SSH3: variants seen among roughly 807,000 people sequenced by gnomAD.
SSH3 encodes the protein slingshot protein phosphatase 3.
SSH3 carries 67 observed loss-of-function variants against 75.0 expected under a neutral mutation model. The observed-to-expected ratio is 0.89, with a 90% CI of 0.73 to 1.10. The LOEUF (loss-of-function observed/expected upper bound fraction) is 1.10. Among genes scored for constraint, SSH3 ranks in the 50% least tolerant of loss-of-function variants. SSH3 has a pLI of 0.00. For synonymous variants in SSH3, 318 were observed against 349.2 expected, an observed-to-expected ratio of 0.91 and a Z score of 1.00; for missense variants, 824 against 872.7, an observed-to-expected ratio of 0.94 and a Z score of 0.70.
chr11:67,303,747 C>T (rs1030776931), intron 1 of SSH3, 56 bp downstream of exon 1: 27 of 1,408,118 alleles, frequency 1.9e-5, no homozygotes, highest in Non-Finnish European at 2.4e-5. Flanking sequence ...GGCTTGGGAG[C>T]GCGTCCTGCC....
Position 67,307,976 on chromosome 11 carries a change from A to G in SSH3, c.885+37A>G. The G allele has an allele frequency of 1.2e-6, 2 of 1,612,560 alleles. No individual in the cohort carries two copies. The highest frequency in any genetic ancestry group is 1.7e-6 in the Non-Finnish European group (2 of 1,179,022). ...GCCCGGGGACTGAGTCCCCTCTAGC[A>G]GGGGCTGCAAGCTTGCCTTTCCTGG... On this transcript the variant is annotated intron_variant, in intron 8 of 13. Coordinates refer to ENST00000308127, the MANE Select transcript of SSH3 (RefSeq NM_017857.4). The surrounding 1 kb of genome is among the most constrained non-coding windows in gnomAD (Gnocchi z 4.2).
Position 67,303,550 on chromosome 11 carries a change from C to A in SSH3, c.-76C>A. 7.0e-7 allele frequency: 1 copy of A among 1,419,424 alleles called. No individual in the cohort carries two copies. The highest frequency in any genetic ancestry group is 1.5e-5 in the African/African-American group (1 of 67,010). 87.9% of individuals were successfully genotyped at this position (1,419,424 alleles called of 1,614,324 possible). A position where few individuals can be genotyped will look rare whatever the true frequency, so the allele number is the denominator to read the frequency against. The stretch of plus-strand genomic sequence containing the variant: ...GCGCCGTCCGTCCTTCCTGGTCCTG[C>A]GGGTCCAGGACTGTCCGCGGGGTTG... On this transcript the variant is annotated 5_prime_UTR_variant, in exon 1 of 14. Transcript: ENST00000308127.
Position 67,303,697 on chromosome 11 carries a change from T to G in SSH3, c.66+6T>G. On this transcript the variant is annotated splice_donor_region_variant and intron_variant, in intron 1 of 13. Transcript: ENST00000308127. ...CCACGCCCGTGGGGCCCTGGGTGAG[T>G]GTGGTCCGGCCGTGGTGCCGCCCAC... 1 of 1,492,940 alleles carries G rather than the reference T, an allele frequency of 6.7e-7. No individual in the cohort carries two copies. The highest frequency in any genetic ancestry group is 8.9e-7 in the Non-Finnish European group (1 of 1,128,134). 92.5% of individuals were successfully genotyped at this position (1,492,940 alleles called of 1,614,324 possible). A position where few individuals can be genotyped will look rare whatever the true frequency, so the allele number is the denominator to read the frequency against.
intron 13 of SSH3, among the ~76,000 whole-genome samples, chr11:67,311,382 G>C (rs1053822306): frequency 6.6e-6 from 1 of 152,180 alleles, no homozygotes; most frequent in Admixed American, 6.5e-5. Context: ...CAAGGAGCGG[G>C]GCAGCAGGGC....
chr11:67,311,194 G>C (rs113730246), intron 13 of SSH3, among the ~76,000 whole-genome samples: 6,206 of 152,314 alleles, frequency 0.041, 486 homozygotes, highest in Admixed American at 0.18. Flanking sequence ...ACCCAGCACC[G>C]GACGCACGCA....
In SSH3 at chr11:67,308,329, G is replaced by A. The variant is rs753020978; in HGVS notation, c.1014+27G>A. 4.3e-6 allele frequency: 7 copies of A among 1,613,596 alleles called. No individual in the cohort carries two copies. Among genetic ancestry groups the A allele is most frequent in the South Asian group, 2.2e-5 (2 of 91,078 alleles). On this transcript the variant is annotated intron_variant, in intron 9 of 13. Coordinates refer to ENST00000308127, the MANE Select transcript of SSH3 (RefSeq NM_017857.4). The surrounding 1 kb of genome is among the most constrained non-coding windows in gnomAD (Gnocchi z 4.9). ...TGAGCTTCAGCCAGGCCTGGGCCAT[G>A]GGGACCGCTGGCAGCTGTGAGGGCG...
intron 10 of SSH3, 151 bp from the exon 11 acceptor site, chr11:67,309,246 C>A: frequency 1.1e-6 from 1 of 946,456 alleles, no homozygotes; most frequent in Non-Finnish European, 1.6e-6. Context: ...AGCCAGGTGA[C>A]AGCTGGGTCA....
At chr11:67,309,990 C>T (rs1443765364) in intron 12 of SSH3, 22 bp downstream of exon 12, 2 of 1,609,912 alleles carry the variant, frequency 1.2e-6, no homozygotes, top group Non-Finnish European at 8.5e-7. Flanking sequence ...GAGCGAGTGG[C>T]AGGGGGTGAG....
Position 67,307,353 on chromosome 11 carries a change from G to C in SSH3, c.537-18G>C. 1 of 1,613,586 alleles carries C rather than the reference G, an allele frequency of 6.2e-7. No individual in the cohort carries two copies. The highest frequency in any genetic ancestry group is 8.5e-7 in the Non-Finnish European group (1 of 1,179,966). On this transcript the variant is annotated intron_variant, in intron 5 of 13. Coordinates refer to ENST00000308127, the MANE Select transcript of SSH3 (RefSeq NM_017857.4). This position sits in a 1 kb window ranked among gnomAD's most constrained non-coding sequence, Gnocchi z 4.2. ...CAGAGCCTGGAGTCTGGCCTCACCT[G>C]TGCCTGGTCTCCTGCAGGGGCTTCA...
intron 3 of SSH3, among the ~76,000 whole-genome samples, chr11:67,305,416 C>T (rs1474478724): frequency 6.6e-6 from 1 of 152,152 alleles, no homozygotes; most frequent in Non-Finnish European, 1.5e-5. Context: ...TCTCAATCTC[C>T]TGACCTCGTG....
Position 67,307,867 on chromosome 11 carries a change from G to A in SSH3, c.813G>A (p.Met271Ile), listed in dbSNP as rs751129687. The change falls in exon 8 of 14, where the codon ATG becomes ATA. Residue 271 changes from methionine to isoleucine, a missense_variant. Met to Ile is a conservative substitution (Grantham distance 10, BLOSUM62 1). Coordinates refer to ENST00000308127, the MANE Select transcript of SSH3 (RefSeq NM_017857.4). The surrounding 1 kb of genome is among the most constrained non-coding windows in gnomAD (Gnocchi z 4.2). ...CCAGGTCCTCAGAACAGGAGCAGAT[G>A]GAGCAGGCGATCCGTGCTGAGCTGT... ...EPGGSSEQEQ[M>I]EQAIRAELWK... The A allele has an allele frequency of 3.7e-6, 6 of 1,614,252 alleles. No homozygotes were observed. The highest frequency in any genetic ancestry group is 5.1e-6 in the Non-Finnish European group (6 of 1,180,040).
rs541613371 is a variant in SSH3 at position 67,312,377 on chromosome 11, C to T, written c.*490C>T. 5 of 164,796 alleles carry T rather than the reference C, an allele frequency of 3.0e-5. No homozygotes were observed. The highest frequency in any genetic ancestry group is 6.5e-5 in the Admixed American group (1 of 15,488). 10.2% of individuals were successfully genotyped at this position (164,796 alleles called of 1,614,324 possible). On this transcript the variant is annotated 3_prime_UTR_variant, in exon 14 of 14. Coordinates refer to ENST00000308127, the MANE Select transcript of SSH3 (RefSeq NM_017857.4). ...AGGCAGGATCCTCAGGCCCCAGCCG[C>T]GGGAGGCTGGAAGGGCTGGCAGATC...
chr11:67,305,112 A>T (rs1157318601), intron 3 of SSH3, 105 bp downstream of exon 3: 1 of 1,131,206 alleles, frequency 8.8e-7, no homozygotes, highest in Non-Finnish European at 1.3e-6. Flanking sequence ...GTGTGAGGGC[A>T]GGGGGCAGCC....
Position 67,309,907 on chromosome 11 carries a change from G to T in SSH3, c.1348G>T (p.Ala450Ser). ...CCACGTGCAGGAGCTCCGGCCCATC[G>T]CCCGCCCCAACCCTGGCTTCCTGCG... ...LRHVQELRPI[A>S]RPNPGFLRQL... Residue 450 changes from alanine to serine, a missense_variant, in exon 12 of 14, where the codon GCC becomes TCC. Transcript: ENST00000308127. 1 of 1,611,228 alleles carries T rather than the reference G, an allele frequency of 6.2e-7. No individual in the cohort carries two copies. The highest frequency in any genetic ancestry group is 8.5e-7 in the Non-Finnish European group (1 of 1,179,954).
chr11:67,311,820 C>A lies in SSH3; in HGVS notation c.1913C>A (p.Thr638Lys), dbSNP rs750507786. The A allele has an allele frequency of 1.2e-6, 2 of 1,613,120 alleles. No homozygotes were observed. ...QGQGEPCISS[T>K]PRFRKVVRQA... ...CAGGGAGAGCCCTGCATTTCCTCTA[C>A]GCCCAGGTTCCGGAAGGTGGTGAGA... is the stretch of plus-strand genomic sequence containing the variant. The change falls in exon 14 of 14, where the codon ACG (threonine) becomes AAG (lysine). Residue 638 changes from threonine to lysine, a missense_variant. Thr to Lys is a moderately conservative substitution (Grantham distance 78). Transcript: ENST00000308127.
rs1590889960 is a variant in SSH3 at position 67,311,514 on chromosome 11, A to T, written c.1684-77A>T. ...TCTGTGCTTGGCACCCCTGCCCCAGATCTTCCCGGCTCTGTGCTTGGGCAC... is the reference window on the plus strand; with the variant it reads ...TCTGTGCTTGGCACCCCTGCCCCAGTTCTTCCCGGCTCTGTGCTTGGGCAC... On this transcript the variant is annotated intron_variant, in intron 13 of 13. Transcript: ENST00000308127. 3.2e-6 allele frequency: 5 copies of T among 1,566,662 alleles called. No homozygotes were observed. The East Asian group carries it at 1.1e-4, about 35-fold the overall frequency.
rs1474510766 is a variant in SSH3 at position 67,310,119 on chromosome 11, A to G, written c.1463A>G (p.His488Arg). Residue 488 changes from histidine to arginine, a missense_variant, in exon 13 of 14, where the codon CAC (histidine) becomes CGC (arginine). Transcript: ENST00000308127. ...GTGGGTGGGGTCTCCCCAGAGGAGC[A>G]CCCAGCCCCTGAAGTCTCTACACCA... ...QKVGGVSPEE[H>R]PAPEVSTPFP... is the part of the protein sequence containing the mutation. 3 of 1,614,012 alleles carry G rather than the reference A, an allele frequency of 1.9e-6. No individual in the cohort carries two copies. The highest frequency in any genetic ancestry group is 2.2e-5 in the East Asian group (1 of 44,876).
At position 67,309,821 on chromosome 11, in the gene SSH3, C is replaced by G. The variant is rs139095852; in HGVS notation, c.1262C>G (p.Ala421Gly). 6.2e-7 allele frequency: 1 copy of G among 1,613,276 alleles called. No homozygotes were observed. The highest frequency in any genetic ancestry group is 1.7e-5 in the Admixed American group (1 of 60,014). Reference protein sequence around the residue: ...VHCKMGVSRSAATVLAYAMKQ... With the variant: ...VHCKMGVSRSGATVLAYAMKQ... ...TGCAAGATGGGCGTCAGCCGCTCAG[C>G]GGCCACAGTGCTGGCCTATGCCATG... Residue 421 changes from alanine to glycine, a missense_variant, in exon 12 of 14, where the codon GCG (alanine) becomes GGG (glycine). Transcript: ENST00000308127.
At chr11:67,310,018 G>A (rs1449819625) in intron 12 of SSH3, 48 bp from the exon 13 acceptor site, 1 of 1,609,718 alleles carries the variant, frequency 6.2e-7, no homozygotes, top group South Asian at 1.1e-5. Context: ...GTTTGCTGGG[G>A]GTGGCTGCTG....
Sources: allele counts gnomAD v4.1 joint callset (sites outside exome capture counted in the v4.1 genomes callset), GRCh38; gene constraint gnomAD v4.1.1; non-coding constraint Gnocchi (gnomAD v3.1); transcripts MANE v1.5; gene names NCBI Gene and HGNC (gene_info 2026-07-23, HGNC 2026-07-21).